The following CTXND2 variants were observed in gnomAD, a reference collection of about 807,000 sequenced individuals.
The protein encoded by CTXND2 is cortexin domain containing 2.
chr1:150,908,900 A>G (rs989158749), intron 1 of CTXND2, among the ~76,000 whole-genome samples: 2 of 151,196 alleles, frequency 1.3e-5, no homozygotes, highest in African/African-American at 4.8e-5. Flanking sequence ...CTGGTCAGGC[A>G]TAAGCCACCG....
chr1:150,890,036 G>A (rs894528397), intron 1 of CTXND2, among the ~76,000 whole-genome samples: 3 of 152,028 alleles, frequency 2.0e-5, no homozygotes, highest in Non-Finnish European at 4.4e-5. Flanking sequence ...GACTTTCAAG[G>A]TTCAGTATGG....
intron 1 of CTXND2, among the ~76,000 whole-genome samples, chr1:150,902,955 C>A (rs1272513873): frequency 6.6e-6 from 1 of 152,032 alleles, no homozygotes; most frequent in South Asian, 2.1e-4. Context: ...TACTCTCAAC[C>A]CTTTTTATCC....
intron 1 of CTXND2, among the ~76,000 whole-genome samples, chr1:150,907,417 T>C (rs934851602): frequency 6.6e-6 from 1 of 152,232 alleles, no homozygotes; most frequent in Admixed American, 6.5e-5. Flanking sequence ...TGGAATTATA[T>C]AATATGCTGG....
chr1:150,902,029 G>T (rs1267331592), intron 1 of CTXND2, among the ~76,000 whole-genome samples: 2 of 152,136 alleles, frequency 1.3e-5, no homozygotes, highest in Admixed American at 6.6e-5. Context: ...ACTTTGGGAG[G>T]CCGAGGCAGG....
At chr1:150,911,903 G>C (rs1469072766) in intron 1 of CTXND2, among the ~76,000 whole-genome samples, 1 of 152,212 alleles carries the variant, frequency 6.6e-6, no homozygotes, top group Non-Finnish European at 1.5e-5. Flanking sequence ...CTTGGAATTT[G>C]AAGTAATCTT....
chr1:150,901,938 T>A (rs964280684), intron 1 of CTXND2, among the ~76,000 whole-genome samples: 5 of 148,586 alleles, frequency 3.4e-5, no homozygotes, highest in Admixed American at 6.7e-5. Context: ...AAAAAAAAAA[T>A]AAATTCAATG....
At chr1:150,897,746 A>G (rs1004635196) in intron 1 of CTXND2, among the ~76,000 whole-genome samples, 1 of 152,234 alleles carries the variant, frequency 6.6e-6, no homozygotes, top group African/African-American at 2.4e-5. Context: ...AATGTGATAT[A>G]TCTATAAATA....
intron 1 of CTXND2, among the ~76,000 whole-genome samples, chr1:150,905,168 G>A (rs1199892515): frequency 7.2e-6 from 1 of 139,694 alleles, no homozygotes; most frequent in African/African-American, 2.7e-5. Context: ...TTTTTAGGCC[G>A]AGTTTCATTC....
At chr1:150,900,506 T>G (rs968001886) in intron 1 of CTXND2, among the ~76,000 whole-genome samples, 2 of 152,122 alleles carry the variant, frequency 1.3e-5, no homozygotes, top group African/African-American at 4.8e-5. Flanking sequence ...GAACCAATTC[T>G]CGACACAATG....
chr1:150,909,962 C>T (rs1339900672), intron 1 of CTXND2, among the ~76,000 whole-genome samples: 1 of 152,132 alleles, frequency 6.6e-6, no homozygotes, highest in East Asian at 1.9e-4. Context: ...AGGGGTCTTG[C>T]ACTTCATTGT....
At chr1:150,900,205 G>C (rs757702006) in intron 1 of CTXND2, among the ~76,000 whole-genome samples, 1 of 152,028 alleles carries the variant, frequency 6.6e-6, no homozygotes, top group African/African-American at 2.4e-5. Flanking sequence ...AATACTCACC[G>C]TGAAGGTCTG....
At chr1:150,895,607 G>T (rs587674314) in intron 1 of CTXND2, among the ~76,000 whole-genome samples, 140 of 152,286 alleles carry the variant, frequency 9.2e-4, no homozygotes, top group African/African-American at 3.2e-3. Context: ...ACCTCCCAAA[G>T]TGTTGGGATG....
At chr1:150,912,381 C>G in exon 2 of CTXND2, 2 of 398,506 alleles carry the variant, frequency 5.0e-6, no homozygotes, top group Non-Finnish European at 8.8e-6. Context: ...CTTTGTTGTT[C>G]TTCTGTTTCT....
At chr1:150,910,840 T>C (rs1447902008) in intron 1 of CTXND2, among the ~76,000 whole-genome samples, 2 of 151,926 alleles carry the variant, frequency 1.3e-5, no homozygotes, top group African/African-American at 4.8e-5. Context: ...AGTCTCGCTC[T>C]GTCACCCAGG....
At chr1:150,906,837 A>G (rs1571605350) in intron 1 of CTXND2, among the ~76,000 whole-genome samples, 1 of 152,306 alleles carries the variant, frequency 6.6e-6, no homozygotes, top group African/African-American at 2.4e-5. Context: ...GTGATATCCA[A>G]CGTGAGTTTA....
intron 1 of CTXND2, among the ~76,000 whole-genome samples, chr1:150,900,343 G>C (rs977700324): frequency 1.3e-5 from 2 of 151,742 alleles, no homozygotes; most frequent in Admixed American, 6.6e-5. Flanking sequence ...AGTCAAGCAA[G>C]ACCACAAACC....
chr1:150,890,162 C>T lies in CTXND2; in HGVS notation c.-74+2849C>T, dbSNP rs587761919. Reference sequence around the variant, plus strand: ...AAGGAATATAGACACACTAGAAAATCTTCAGTAGAAAAAGGGTAGAGTGGT... The same window carrying T: ...AAGGAATATAGACACACTAGAAAATTTTCAGTAGAAAAAGGGTAGAGTGGT... On this transcript the variant is annotated intron_variant, in intron 1 of 1. Coordinates refer to ENST00000636087, the Ensembl canonical transcript of CTXND2. Among the ~76,000 whole-genome samples, 11 of 152,180 alleles carry T rather than the reference C, an allele frequency of 7.2e-5. 1 individual carries two copies. The South Asian group carries it at 2.3e-3, about 32-fold the overall frequency.
intron 1 of CTXND2, among the ~76,000 whole-genome samples, chr1:150,906,019 G>A (rs1330770278): frequency 6.6e-6 from 1 of 151,782 alleles, no homozygotes; most frequent in African/African-American, 2.4e-5. Context: ...ACTGGGGCCG[G>A]GTGTGGTGGC....
intron 1 of CTXND2, among the ~76,000 whole-genome samples, chr1:150,895,168 C>G (rs1668901055): frequency 1.3e-5 from 2 of 150,996 alleles, no homozygotes; most frequent in South Asian, 4.2e-4. Flanking sequence ...CCAAATATGC[C>G]TTTTTCTATC....
Sources: gnomAD v4.1 joint callset for allele counts (sites outside exome capture counted in the v4.1 genomes callset) on GRCh38, gnomAD v4.1.1 for gene constraint, MANE v1.5 for transcripts, NCBI Gene and HGNC (gene_info 2026-07-23, HGNC 2026-07-21) for gene names.